Variants in C5 observed in about 807,000 individuals in gnomAD.
The protein encoded by C5 is complement C5.
A neutral mutation model predicts 218.8 loss-of-function variants in C5; 140 were observed. The observed-to-expected ratio is 0.64, with a 90% CI of 0.56 to 0.74. C5 has a LOEUF of 0.74. C5 is among the 30% of genes least tolerant of loss of function. The pLI is 0.00. For synonymous variants in C5, 614 were observed against 682.3 expected (o/e 0.90, Z 1.56); for missense variants, 1,700 against 1,969.6 (o/e 0.86, Z 2.59).
the C5 span, among the ~76,000 whole-genome samples, chr9:121,055,416 C>G: frequency 2.6e-5 from 4 of 152,076 alleles, no homozygotes; most frequent in Non-Finnish European, 5.9e-5. Flanking sequence ...GTGGCAGCCA[C>G]AGGAGTATGT....
intron 28 of C5, among the ~76,000 whole-genome samples, chr9:120,979,351 C>T (rs550466906): frequency 1.3e-5 from 2 of 152,184 alleles, no homozygotes; most frequent in Admixed American, 6.5e-5. Flanking sequence ...ACAATGCATC[C>T]TCTCACCTTA....
At chr9:121,005,008 C>A (rs2047205278) in intron 20 of C5, among the ~76,000 whole-genome samples, 1 of 150,366 alleles carries the variant, frequency 6.7e-6, no homozygotes. Context: ...CAGAGGGATA[C>A]ATAGTTTTTC....
rs753208006 is a variant in C5 at position 121,020,161 on chromosome 9, C to A, written c.1321G>T (p.Asp441Tyr). The change falls in exon 12 of 41, where the codon GAT (aspartate) becomes TAT (tyrosine). Residue 441 changes from aspartate (D) to tyrosine (Y), a missense_variant. Physicochemically the swap from Asp to Tyr is radical, Grantham distance 160. Transcript: ENST00000223642. ...LEFNVKTDAP[D>Y]LPEENQAREG... ...CTGGCCTGATTTTCTTCTGGAAGATCTGGAGCATCAGTTTTGACCTGAAAA... is the reference window on the plus strand; with the variant it reads ...CTGGCCTGATTTTCTTCTGGAAGATATGGAGCATCAGTTTTGACCTGAAAA... 18 of 1,613,914 alleles carry A rather than the reference C, an allele frequency of 1.1e-5. 1 individual carries two copies. The highest frequency in any genetic ancestry group is 1.5e-5 in the Non-Finnish European group (18 of 1,179,822).
At chr9:121,044,262 G>A (rs2047606014) in intron 2 of C5, among the ~76,000 whole-genome samples, 1 of 152,072 alleles carries the variant, frequency 6.6e-6, no homozygotes, top group Non-Finnish European at 1.5e-5. Context: ...ATCACCTGAG[G>A]TCAGGAGTTC....
chr9:121,068,045 C>G, the C5 span, among the ~76,000 whole-genome samples: 1 of 152,078 alleles, frequency 6.6e-6, no homozygotes, highest in Non-Finnish European at 1.5e-5. Flanking sequence ...TGGAAAAAAC[C>G]TAAAAACTTT....
intron 22 of C5, among the ~76,000 whole-genome samples, chr9:120,995,956 C>T (rs961106324): frequency 1.3e-5 from 2 of 151,852 alleles, no homozygotes. Context: ...ATAGCTGGGA[C>T]TATGGGTGCC....
chr9:120,996,776 TA>T (rs1268634673), intron 21 of C5, among the ~76,000 whole-genome samples: 3 of 152,248 alleles, frequency 2.0e-5, no homozygotes, highest in Non-Finnish European at 4.4e-5. Context: ...GGTACATGTT[TA>T]CTGAAGTGAA....
intron 31 of C5, among the ~76,000 whole-genome samples, chr9:120,971,218 A>C (rs2046910477): frequency 1.3e-5 from 2 of 151,518 alleles, no homozygotes; most frequent in African/African-American, 4.8e-5. Context: ...CAAGTGGCTA[A>C]AATGAAGAAA....
At chr9:121,049,611 A>G (rs1014894142) in intron 1 of C5, among the ~76,000 whole-genome samples, 5 of 152,196 alleles carry the variant, frequency 3.3e-5, no homozygotes, top group Non-Finnish European at 5.9e-5. Context: ...CATATATAAA[A>G]TGAATAGGTT....
At chr9:121,042,567 T>C (rs2047590339) in intron 3 of C5, among the ~76,000 whole-genome samples, 1 of 152,230 alleles carries the variant, frequency 6.6e-6, no homozygotes, top group Non-Finnish European at 1.5e-5. Context: ...CCAAATTATA[T>C]TTGCAATTAA....
At chr9:120,966,554 C>G (rs2046869432) in intron 33 of C5, among the ~76,000 whole-genome samples, 1 of 152,196 alleles carries the variant, frequency 6.6e-6, no homozygotes, top group Non-Finnish European at 1.5e-5. Flanking sequence ...GGGTCCCAGG[C>G]ACTGATTCGA....
intron 28 of C5, among the ~76,000 whole-genome samples, chr9:120,979,056 G>A (rs2046973147): frequency 6.6e-6 from 1 of 152,168 alleles, no homozygotes; most frequent in African/African-American, 2.4e-5. Flanking sequence ...CAGAAGCCCT[G>A]AAGAGTCTCT....
rs1475964325 is a variant in C5 at position 120,997,786 on chromosome 9, G to C, written c.2563-12C>G. ...ATTTTAACACAGAACTGAAATACAA[G>C]TGAAGAATTATATCAAAATACATTT... On this transcript the variant is annotated splice_polypyrimidine_tract_variant and intron_variant, in intron 20 of 40. Transcript: ENST00000223642. The C allele has an allele frequency of 1.9e-6, 3 of 1,603,002 alleles. No homozygotes were observed. Among genetic ancestry groups the C allele is most frequent in the Admixed American group, 3.4e-5 (2 of 59,552 alleles).
chr9:120,969,717 A>G (rs1444700305), intron 32 of C5, among the ~76,000 whole-genome samples: 1 of 152,234 alleles, frequency 6.6e-6, no homozygotes, highest in African/African-American at 2.4e-5. Flanking sequence ...ACTAAGTTAA[A>G]GATGGAGGCA....
intron 17 of C5, among the ~76,000 whole-genome samples, chr9:121,011,797 A>C (rs186858393): frequency 6.6e-6 from 1 of 152,362 alleles, no homozygotes; most frequent in East Asian, 1.9e-4. Flanking sequence ...CTCAGCCATG[A>C]AAAGAATGAG....
chr9:121,046,062 A>G, intron 2 of C5, 129 bp downstream of exon 2: 1 of 465,798 alleles, frequency 2.1e-6, no homozygotes. Flanking sequence ...AGTGACTGAC[A>G]TCATCTAATA....
chr9:120,968,267 T>A (rs2046884075), intron 33 of C5, among the ~76,000 whole-genome samples: 1 of 152,106 alleles, frequency 6.6e-6, no homozygotes. Context: ...GGTGTGATGA[T>A]GGAAGCAGAG....
intron 33 of C5, among the ~76,000 whole-genome samples, chr9:120,968,020 C>T (rs974370173): frequency 1.2e-4 from 19 of 152,170 alleles, no homozygotes; most frequent in African/African-American, 4.6e-4. Context: ...CTGTACCCGG[C>T]AAAAAACCTA....
Position 120,980,169 on chromosome 9 carries a change from G to A in C5, c.3572C>T (p.Ser1191Phe). Residue 1191 changes from serine (S) to phenylalanine (F), a missense_variant, in exon 28 of 41, where the codon TCT (serine) becomes TTT (phenylalanine). Coordinates refer to ENST00000223642, the MANE Select transcript of C5 (RefSeq NM_001735.3). ...ATCTCCCAGGGAAAGAGCATACGCA[G>A]AAATGGCCAATGTAAAGGTGCTCTG... is the stretch of plus-strand genomic sequence containing the variant. ...PAQSTFTLAI[S>F]AYALSLGDKT... 1 of 1,614,076 alleles carries A rather than the reference G, an allele frequency of 6.2e-7. No homozygotes were observed. The highest frequency in any genetic ancestry group is 8.5e-7 in the Non-Finnish European group (1 of 1,179,970).
Sources: allele counts gnomAD v4.1 joint callset (sites outside exome capture counted in the v4.1 genomes callset), GRCh38; gene constraint gnomAD v4.1.1; transcripts MANE v1.5; gene names NCBI Gene and HGNC (gene_info 2026-07-23, HGNC 2026-07-21).